RBFOX3: variants seen among roughly 807,000 people sequenced by gnomAD.
RBFOX3 encodes the protein RNA binding protein fox-1 homolog 3.
A neutral mutation model predicts 48.7 loss-of-function variants in RBFOX3; 17 were observed. The observed-to-expected ratio is 0.35, with a 90% CI of 0.24 to 0.52. The LOEUF (loss-of-function observed/expected upper bound fraction) is 0.52. Ranked by LOEUF, RBFOX3 falls within the 20% of genes least tolerant of loss-of-function variation. RBFOX3 has a pLI of 0.94. For synonymous variants in RBFOX3, 212 were observed against 209.5 expected (o/e 1.01, Z -0.10); for missense variants, 382 against 497.5 (o/e 0.77, Z 2.21).
chr17:79,282,559 G>C (rs57678906), intron 3 of RBFOX3, among the ~76,000 whole-genome samples: 12,784 of 145,530 alleles, frequency 0.088, 630 homozygotes, highest in East Asian at 0.25. Flanking sequence ...AATGCAAAGA[G>C]AATAGGGGTG....
intron 2 of RBFOX3, among the ~76,000 whole-genome samples, chr17:79,315,326 C>T (rs931284352): frequency 6.6e-6 from 1 of 152,220 alleles, no homozygotes; most frequent in Non-Finnish European, 1.5e-5. Flanking sequence ...TCTGGGGACC[C>T]AGACCCTGGT....
In RBFOX3 at chr17:79,299,087, G is replaced by A. The variant is rs146460782; in HGVS notation, c.-74+8637C>T. On this transcript the variant is annotated intron_variant, in intron 3 of 14. Transcript: ENST00000693108. The surrounding 1 kb of genome is among the most constrained non-coding windows in gnomAD (Gnocchi z 4.5). ...CCTGGCAGCAGATGCGGCTGGCCTC[G>A]GAAATACGGGAGGGACATGGGAAAT... 1.1e-3 allele frequency among the ~76,000 whole-genome samples: 171 copies of A among 152,082 alleles called. No individual in the cohort carries two copies. Among genetic ancestry groups the A allele is most frequent in the African/African-American group, 3.9e-3 (162 of 41,472 alleles).
At position 79,199,157 on chromosome 17, in the gene RBFOX3, G is replaced by A. The variant is rs2056307327; in HGVS notation, c.-34+36609C>T. Among the ~76,000 whole-genome samples, 1 of 152,116 alleles carries A rather than the reference G, an allele frequency of 6.6e-6. No individual in the cohort carries two copies. The highest frequency in any genetic ancestry group is 1.5e-5 in the Non-Finnish European group (1 of 68,014). On this transcript the variant is annotated intron_variant, in intron 4 of 14. Coordinates refer to ENST00000693108, the MANE Select transcript of RBFOX3 (RefSeq NM_001350451.2). The surrounding 1 kb of genome is among the most constrained non-coding windows in gnomAD (Gnocchi z 5.1). ...CTGCCCAGCAAAGGGTGCAGCTGTG[G>A]TCATAGGGTGGGGATGGGAAGGCAG...
chr17:79,336,857 C>T (rs939373360), intron 2 of RBFOX3, among the ~76,000 whole-genome samples: 5 of 152,206 alleles, frequency 3.3e-5, no homozygotes, highest in Admixed American at 1.3e-4. Flanking sequence ...AGGTGGCTCA[C>T]GCCTGTAATC....
In RBFOX3 at chr17:79,220,143, A is replaced by G. The variant is rs1262777091; in HGVS notation, c.-34+15623T>C. Among the ~76,000 whole-genome samples, 1 of 152,174 alleles carries G rather than the reference A, an allele frequency of 6.6e-6. No homozygotes were observed. Among genetic ancestry groups the G allele is most frequent in the Non-Finnish European group, 1.5e-5 (1 of 68,024 alleles). On this transcript the variant is annotated intron_variant, in intron 4 of 14. Transcript: ENST00000693108. This position sits in a 1 kb window ranked among gnomAD's most constrained non-coding sequence, Gnocchi z 5.9. ...ACATTTCAGCCCCAGATCTGCCCAG[A>G]GTGAGAAAGCAACACGCAGTCCACG... is the stretch of plus-strand genomic sequence containing the variant.
At chr17:79,301,055 A>T (rs1600505635) in intron 3 of RBFOX3, among the ~76,000 whole-genome samples, 2 of 152,014 alleles carry the variant, frequency 1.3e-5, no homozygotes, top group African/African-American at 2.4e-5. Flanking sequence ...CCACCAGATC[A>T]CCCCTTCCCA....
chr17:79,474,120 GAA>G (rs140445430), intron 2 of RBFOX3, among the ~76,000 whole-genome samples: 3 of 142,518 alleles, frequency 2.1e-5, no homozygotes, highest in African/African-American at 5.2e-5. Flanking sequence ...TGTCAATGCA[GAA>G]AAAAAAAAAA....
chr17:79,445,807 C>T (rs537847794), intron 2 of RBFOX3, among the ~76,000 whole-genome samples: 6 of 152,210 alleles, frequency 3.9e-5, no homozygotes, highest in Non-Finnish European at 7.3e-5. Context: ...GTTTGCAGGA[C>T]AGTCCCCAAA....
chr17:79,529,688 C>CT (rs1394459417), intron 1 of RBFOX3, among the ~76,000 whole-genome samples: 1 of 152,192 alleles, frequency 6.6e-6, no homozygotes, highest in Non-Finnish European at 1.5e-5. Context: ...GGGGACACCG[C>CT]TGAGATGATG....
At chr17:79,314,283 GAGA>G (rs1400175413) in intron 2 of RBFOX3, among the ~76,000 whole-genome samples, 1 of 152,182 alleles carries the variant, frequency 6.6e-6, no homozygotes, top group East Asian at 1.9e-4. Context: ...CAAACCTGCT[GAGA>G]AGCAGAGGAG....
intron 2 of RBFOX3, among the ~76,000 whole-genome samples, chr17:79,345,126 G>C (rs1189395045): frequency 6.6e-6 from 1 of 152,244 alleles, no homozygotes; most frequent in Non-Finnish European, 1.5e-5. Flanking sequence ...GAGTTCTTCA[G>C]AGGACAATTC....
intron 4 of RBFOX3, among the ~76,000 whole-genome samples, chr17:79,163,428 G>A (rs116949114): frequency 7.5e-4 from 114 of 152,370 alleles, no homozygotes; most frequent in South Asian, 1.9e-3. Context: ...GTGGGGCAGA[G>A]TGGAGAGGCC....
intron 3 of RBFOX3, among the ~76,000 whole-genome samples, chr17:79,296,433 C>T (rs560100555): frequency 2.0e-5 from 3 of 152,254 alleles, no homozygotes; most frequent in Non-Finnish European, 2.9e-5. Context: ...TATGGGCCGA[C>T]TTTGTTACAC....
chr17:79,345,468 A>G (rs769564418), intron 2 of RBFOX3, among the ~76,000 whole-genome samples: 4 of 152,094 alleles, frequency 2.6e-5, no homozygotes, highest in Non-Finnish European at 5.9e-5. Flanking sequence ...TGATCATTAT[A>G]TTTTCTGAAA....
intron 2 of RBFOX3, among the ~76,000 whole-genome samples, chr17:79,451,906 C>A (rs2073583588): frequency 6.6e-6 from 1 of 152,236 alleles, no homozygotes; most frequent in South Asian, 2.1e-4. Context: ...AACACCTTCC[C>A]CCACGCCCAC....
chr17:79,562,263 T>G (rs1262238270), intron 1 of RBFOX3, among the ~76,000 whole-genome samples: 1 of 151,918 alleles, frequency 6.6e-6, no homozygotes, highest in African/African-American at 2.4e-5. Flanking sequence ...CTCACCCGAG[T>G]CGGCGGCTTC....
intron 4 of RBFOX3, among the ~76,000 whole-genome samples, chr17:79,221,213 G>A (rs556995328): frequency 6.6e-6 from 1 of 152,270 alleles, no homozygotes; most frequent in Admixed American, 6.5e-5. Flanking sequence ...TACAGCCAGG[G>A]ACCCAGGCCC....
intron 2 of RBFOX3, among the ~76,000 whole-genome samples, chr17:79,395,307 T>C (rs892080360): frequency 6.6e-6 from 1 of 152,220 alleles, no homozygotes; most frequent in African/African-American, 2.4e-5. Context: ...GGACCCCTCC[T>C]AAGGGATGGG....
rs897992475 is a variant in RBFOX3 at position 79,580,499 on chromosome 17, G to A, written c.-320+30327C>T. The stretch of plus-strand genomic sequence containing the variant: ...TGCTTCCATCACTCTGGGCATAGAC[G>A]ACTGTTCAGCGGTGCTCAGTGAATT... On this transcript the variant is annotated intron_variant, in intron 1 of 14. Coordinates refer to ENST00000693108, the MANE Select transcript of RBFOX3 (RefSeq NM_001350451.2). 8.5e-5 allele frequency among the ~76,000 whole-genome samples: 13 copies of A among 152,162 alleles called. No homozygotes were observed. The East Asian group carries it at 2.5e-3, about 29-fold the overall frequency.
Sources: allele counts gnomAD v4.1 joint callset (sites outside exome capture counted in the v4.1 genomes callset), GRCh38; gene constraint gnomAD v4.1.1; non-coding constraint Gnocchi (gnomAD v3.1); transcripts MANE v1.5; gene names NCBI Gene and HGNC (gene_info 2026-07-23, HGNC 2026-07-21).